GNPTAB: variants seen among roughly 807,000 people sequenced by gnomAD.
GNPTAB encodes the protein N-acetylglucosamine-1-phosphotransferase subunits alpha/beta.
Under a neutral mutation model 136.6 loss-of-function variants are expected in GNPTAB, and 92 were observed. The ratio of observed to expected loss-of-function variants is 0.67; its 90% CI spans 0.57 to 0.80. The LOEUF is 0.80. GNPTAB is among the 30% of genes least tolerant of loss of function. GNPTAB has a pLI of 0.00. For synonymous variants in GNPTAB, 512 were observed against 535.1 expected, an observed-to-expected ratio of 0.96 and a Z score of 0.60; for missense variants, 1,343 against 1,501.8, an observed-to-expected ratio of 0.89 and a Z score of 1.75.
intron 15 of GNPTAB, among the ~76,000 whole-genome samples, chr12:101,760,424 A>G (rs1347931092): frequency 3.9e-5 from 6 of 152,190 alleles, no homozygotes; most frequent in Non-Finnish European, 8.8e-5. Context: ...CTGCAGCTAG[A>G]TTCATCTGGG....
chr12:101,751,751 G>A (rs1008356326), intron 19 of GNPTAB, among the ~76,000 whole-genome samples: 2 of 152,268 alleles, frequency 1.3e-5, no homozygotes, highest in Admixed American at 6.5e-5. Context: ...AGTGTTTGGC[G>A]TACAACAGGT....
chr12:101,765,436 G>T (rs992556244), intron 12 of GNPTAB, 132 bp from the exon 13 acceptor site: 1 of 699,624 alleles, frequency 1.4e-6, no homozygotes, highest in Non-Finnish European at 2.5e-6. Flanking sequence ...GAATTTGCAT[G>T]TCGTCCTTGT....
At chr12:101,804,018 G>A (rs1205435248) in intron 1 of GNPTAB, among the ~76,000 whole-genome samples, 1 of 151,960 alleles carries the variant, frequency 6.6e-6, no homozygotes, top group African/African-American at 2.4e-5. Context: ...GATCGCTTGA[G>A]CCTGGAAGTT....
At chr12:101,778,737 T>A (rs1366715919) in intron 7 of GNPTAB, 2 of 152,040 alleles carry the variant, frequency 1.3e-5, no homozygotes, top group Admixed American at 1.3e-4. Flanking sequence ...CGAAACCCCC[T>A]CTCTACTTAA....
At chr12:101,772,126 G>C (rs112653417) in intron 7 of GNPTAB, among the ~76,000 whole-genome samples, 1 of 152,166 alleles carries the variant, frequency 6.6e-6, no homozygotes, top group African/African-American at 2.4e-5. Context: ...CCACCCCTAC[G>C]AAAGTCCACA....
In GNPTAB at chr12:101,760,158, G is replaced by A; in HGVS notation, c.3136-15C>T. The A allele has an allele frequency of 6.8e-7, 1 of 1,463,056 alleles. No individual in the cohort carries two copies. Among genetic ancestry groups the A allele is most frequent in the Non-Finnish European group, 9.6e-7 (1 of 1,042,618 alleles). 90.6% of individuals were successfully genotyped at this position (1,463,056 alleles called of 1,614,324 possible). ...CCTGTCAAATCCTAACAAAGAAAAA[G>A]ATGATAAATCTGTTATGCGCATTGT... On this transcript the variant is annotated splice_polypyrimidine_tract_variant and intron_variant, in intron 15 of 20. Transcript: ENST00000299314.
chr12:101,760,046 TA>T lies in GNPTAB; in HGVS notation c.3232del (p.Tyr1078ThrfsTer13), dbSNP rs281865011. ...LNNIPPTQESYYDPNLPPVTK... is the reference protein window; with the variant it reads ...LNNIPPTQESXYDPNLPPVTK... The stretch of plus-strand genomic sequence containing the variant: ...TCCACTTACCAGGTTGGGATCATAG[TA>T]GGATTCCTGAGTTGGTGGAATATTA... On this transcript the variant is annotated frameshift_variant, in exon 16 of 21. Coordinates refer to ENST00000299314, the MANE Select transcript of GNPTAB (RefSeq NM_024312.5). LOFTEE classifies it high-confidence loss of function. The T allele has an allele frequency of 6.2e-7, 1 of 1,606,922 alleles. No homozygotes were observed. The highest frequency in any genetic ancestry group is 8.5e-7 in the Non-Finnish European group (1 of 1,173,390).
chr12:101,796,289 C>A (rs1427329293), intron 2 of GNPTAB: 1 of 702,442 alleles, frequency 1.4e-6, no homozygotes. Flanking sequence ...TGCAATCATG[C>A]AATTTAAGGT....
chr12:101,749,219 T>A, intron 19 of GNPTAB, 28 bp from the exon 20 acceptor site: 1 of 1,268,358 alleles, frequency 7.9e-7, no homozygotes, highest in Non-Finnish European at 1.2e-6. Flanking sequence ...AGCAACTATG[T>A]ACTTCTGTAT....
At chr12:101,806,469 G>C (rs1213841480) in intron 1 of GNPTAB, among the ~76,000 whole-genome samples, 1 of 152,144 alleles carries the variant, frequency 6.6e-6, no homozygotes. Context: ...GAAAAAGTTT[G>C]GGAAATAGTC....
chr12:101,816,882 G>A (rs1418215433), intron 1 of GNPTAB, among the ~76,000 whole-genome samples: 2 of 152,204 alleles, frequency 1.3e-5, no homozygotes, highest in Non-Finnish European at 2.9e-5. Flanking sequence ...ATAAAATCCT[G>A]TAATTTGCAG....
intron 2 of GNPTAB, among the ~76,000 whole-genome samples, chr12:101,791,020 G>GT (rs1196079500): frequency 6.6e-6 from 1 of 152,032 alleles, no homozygotes; most frequent in Non-Finnish European, 1.5e-5. Flanking sequence ...GTTCTCTAAA[G>GT]TATCTGTGCA....
chr12:101,796,401 T>G, intron 2 of GNPTAB: 1 of 649,594 alleles, frequency 1.5e-6, no homozygotes. Flanking sequence ...TTTTCTTTCC[T>G]TATTTTAAAA....
intron 11 of GNPTAB, 139 bp downstream of exon 11, chr12:101,767,898 T>A: frequency 1.0e-6 from 1 of 982,784 alleles, no homozygotes; most frequent in South Asian, 1.4e-5. Context: ...ATTATAAGCA[T>A]GAGCCACCAT....
intron 7 of GNPTAB, among the ~76,000 whole-genome samples, chr12:101,776,091 G>GTCT (rs1198596755): frequency 2.6e-5 from 4 of 152,172 alleles, no homozygotes; most frequent in Admixed American, 1.3e-4. Flanking sequence ...TGAGGGCAGG[G>GTCT]TCTACATCTC....
At chr12:101,794,914 T>A (rs566863753) in intron 2 of GNPTAB, among the ~76,000 whole-genome samples, 24 of 152,162 alleles carry the variant, frequency 1.6e-4, no homozygotes, top group South Asian at 4.1e-4. Context: ...AAATAAATAA[T>A]TAATTAATTT....
intron 1 of GNPTAB, among the ~76,000 whole-genome samples, chr12:101,819,548 A>T (rs1870695009): frequency 6.6e-6 from 1 of 152,350 alleles, no homozygotes; most frequent in Admixed American, 6.5e-5. Flanking sequence ...CTAGAATCCT[A>T]AAAAAATGAA....
At chr12:101,811,723 C>G (rs1291551845) in intron 1 of GNPTAB, among the ~76,000 whole-genome samples, 1 of 151,070 alleles carries the variant, frequency 6.6e-6, no homozygotes, top group East Asian at 2.0e-4. Flanking sequence ...ACTGCAACCT[C>G]TGCCTCCCGG....
At chr12:101,824,825 G>A (rs1036275012) in intron 1 of GNPTAB, among the ~76,000 whole-genome samples, 2 of 152,128 alleles carry the variant, frequency 1.3e-5, no homozygotes, top group African/African-American at 4.8e-5. Context: ...TGAGTTGGGA[G>A]TCTGTCACTT....
Sources: gnomAD v4.1 joint callset for allele counts (sites outside exome capture counted in the v4.1 genomes callset) on GRCh38, gnomAD v4.1.1 for gene constraint, MANE v1.5 for transcripts, NCBI Gene and HGNC (gene_info 2026-07-23, HGNC 2026-07-21) for gene names.